The following OSBP2 variants were observed in gnomAD, a reference collection of about 807,000 sequenced individuals.
The protein encoded by OSBP2 is oxysterol-binding protein 2.
In OSBP2, 66 loss-of-function variants were observed where a neutral mutation model predicts 96.0. That is an observed-to-expected ratio of 0.69 (90% CI 0.56 to 0.84). OSBP2 has a LOEUF of 0.84. Among genes scored for constraint, OSBP2 ranks in the 40% least tolerant of loss-of-function variants. The pLI, the probability that OSBP2 is intolerant of heterozygous loss-of-function variation, is 0.00. For synonymous variants in OSBP2, 525 were observed against 520.9 expected, an observed-to-expected ratio of 1.01 and a Z score of -0.11; for missense variants, 1,038 against 1,222.7, an observed-to-expected ratio of 0.85 and a Z score of 2.25.
At chr22:30,751,250 T>G (rs2090069898) in intron 2 of OSBP2, among the ~76,000 whole-genome samples, 1 of 152,162 alleles carries the variant, frequency 6.6e-6, no homozygotes, top group Non-Finnish European at 1.5e-5. Flanking sequence ...CAGGATCTCC[T>G]GAGGGCTGTG....
intron 1 of OSBP2, among the ~76,000 whole-genome samples, chr22:30,706,860 T>G (rs953792263): frequency 6.6e-6 from 1 of 152,184 alleles, no homozygotes; most frequent in Non-Finnish European, 1.5e-5. Flanking sequence ...CCCAGGGTCA[T>G]CTCAGCATGG....
At chr22:30,777,074 G>T (rs1279831998) in intron 2 of OSBP2, among the ~76,000 whole-genome samples, 1 of 152,180 alleles carries the variant, frequency 6.6e-6, no homozygotes, top group Non-Finnish European at 1.5e-5. Flanking sequence ...GATTTTACAG[G>T]CTTATAAGCA....
At position 30,890,787 on chromosome 22, in the gene OSBP2, C is replaced by A. The variant is rs1164480950; in HGVS notation, c.1683C>A (p.His561Gln). The change falls in exon 8 of 14, where the codon CAC (histidine) becomes CAA (glutamine). Residue 561 changes from histidine (H) to glutamine (Q), a missense_variant. By Grantham distance (24) the His-to-Gln change is conservative. This residue lies in a region of OSBP2 where 737 missense variants were observed against 913.3 expected (regional missense o/e 0.81). Coordinates refer to ENST00000332585, the MANE Select transcript of OSBP2 (RefSeq NM_030758.4). This position sits in a 1 kb window ranked among gnomAD's most constrained non-coding sequence, Gnocchi z 4.4. The part of the protein sequence containing the change: ...LQRLTEDLEY[H>Q]HLLDKAVHCT... ...GGCTGACAGAGGACCTGGAGTACCA[C>A]CACCTGCTGGACAAGGCAGTGCACT... 1 of 1,613,552 alleles carries A rather than the reference C, an allele frequency of 6.2e-7. No individual in the cohort carries two copies. Among genetic ancestry groups the A allele is most frequent in the Admixed American group, 1.7e-5 (1 of 60,028 alleles).
chr22:30,796,541 T>C (rs1247298075), intron 2 of OSBP2, among the ~76,000 whole-genome samples: 2 of 152,212 alleles, frequency 1.3e-5, no homozygotes, highest in African/African-American at 4.8e-5. Flanking sequence ...GTTCTTACTC[T>C]GTCGCCCAGG....
chr22:30,888,336 G>A lies in OSBP2; in HGVS notation c.1414G>A (p.Asp472Asn), dbSNP rs2039862919. ...CACCGTGATCACCGAGGCCAAGGAA[G>A]ACAGGTAAGGTGGCTGCAGCTGGGC... ...FITVITEAKE[D>N]SRKAEGSTGT... Residue 472 changes from aspartate (D) to asparagine (N), a missense_variant, in exon 5 of 14, where the codon GAC (aspartate) becomes AAC (asparagine). This residue lies in a region of OSBP2 where 737 missense variants were observed against 913.3 expected (regional missense o/e 0.81). Transcript: ENST00000332585. The A allele has an allele frequency of 6.2e-7, 1 of 1,603,850 alleles. No homozygotes were observed. The highest frequency in any genetic ancestry group is 1.1e-5 in the South Asian group (1 of 90,884).
chr22:30,850,520 G>T (rs1027530113), intron 2 of OSBP2, among the ~76,000 whole-genome samples: 1 of 151,904 alleles, frequency 6.6e-6, no homozygotes. Context: ...TGATTTTTGA[G>T]ACAGCATCTC....
chr22:30,873,315 A>G (rs1050661129), intron 3 of OSBP2, among the ~76,000 whole-genome samples: 1 of 152,136 alleles, frequency 6.6e-6, no homozygotes. Flanking sequence ...CTACACACCA[A>G]GGCCAGGATG....
chr22:30,859,470 T>C (rs1182656203), intron 2 of OSBP2, among the ~76,000 whole-genome samples: 1 of 152,222 alleles, frequency 6.6e-6, no homozygotes, highest in East Asian at 1.9e-4. Context: ...TGACCAGGTC[T>C]GCTGGTGCCT....
At chr22:30,880,960 T>C (rs1464511367) in intron 3 of OSBP2, among the ~76,000 whole-genome samples, 1 of 152,142 alleles carries the variant, frequency 6.6e-6, no homozygotes, top group Non-Finnish European at 1.5e-5. Context: ...GACTTCTCAG[T>C]AGGGAGAGTC....
At chr22:30,716,214 G>A (rs1292693528) in intron 1 of OSBP2, among the ~76,000 whole-genome samples, 2 of 150,306 alleles carry the variant, frequency 1.3e-5, no homozygotes, top group Admixed American at 6.7e-5. Context: ...GCTAATTTTT[G>A]TACTTTTAGT....
chr22:30,795,354 C>A (rs1326362214), intron 2 of OSBP2, among the ~76,000 whole-genome samples: 3 of 152,106 alleles, frequency 2.0e-5, no homozygotes, highest in Non-Finnish European at 2.9e-5. Context: ...AAATTCATCA[C>A]CTTTATTTCG....
At chr22:30,894,487 G>C (rs529603087) in intron 12 of OSBP2, 1 of 156,298 alleles carries the variant, frequency 6.4e-6, no homozygotes, top group Non-Finnish European at 1.4e-5. Flanking sequence ...GCTACAGGGA[G>C]AAGACAGAGT....
chr22:30,858,879 C>T (rs368958584), intron 2 of OSBP2, among the ~76,000 whole-genome samples: 2 of 141,402 alleles, frequency 1.4e-5, no homozygotes, highest in African/African-American at 5.4e-5. Flanking sequence ...GACTCTGTCT[C>T]AATAATAATA....
chr22:30,897,633 A>G (rs1004327188), intron 12 of OSBP2, among the ~76,000 whole-genome samples: 1 of 152,184 alleles, frequency 6.6e-6, no homozygotes, highest in Non-Finnish European at 1.5e-5. Flanking sequence ...AATATGTAGA[A>G]CTGAATGATA....
At chr22:30,834,367 G>A (rs190039159) in intron 2 of OSBP2, among the ~76,000 whole-genome samples, 237 of 152,316 alleles carry the variant, frequency 1.6e-3, no homozygotes, top group African/African-American at 5.3e-3. Flanking sequence ...TATATACCAA[G>A]GAGTGGGATT....
chr22:30,694,373 C>A, upstream of OSBP2: 1 of 1,512,788 alleles, frequency 6.6e-7, no homozygotes, highest in Non-Finnish European at 8.8e-7. Flanking sequence ...GGCGGGGCGT[C>A]GTCTTTAGCC....
At chr22:30,887,394 A>C in intron 3 of OSBP2, 32 bp from the exon 4 acceptor site, 1 of 1,588,528 alleles carries the variant, frequency 6.3e-7, no homozygotes, top group Non-Finnish European at 8.6e-7. Flanking sequence ...GCCAGAGGCC[A>C]GGGTCTCATA....
At chr22:30,714,706 T>C (rs1238294142) in intron 1 of OSBP2, among the ~76,000 whole-genome samples, 1 of 152,154 alleles carries the variant, frequency 6.6e-6, no homozygotes, top group Non-Finnish European at 1.5e-5. Context: ...AACCTCTGCC[T>C]CCCGGGTTCA....
intron 2 of OSBP2, among the ~76,000 whole-genome samples, chr22:30,842,383 T>C (rs1372505237): frequency 1.3e-5 from 2 of 152,142 alleles, no homozygotes; most frequent in Admixed American, 1.3e-4. Flanking sequence ...GTGGAGGGCC[T>C]TGCCTTGATG....
Sources: allele counts gnomAD v4.1 joint callset (sites outside exome capture counted in the v4.1 genomes callset), GRCh38; gene constraint gnomAD v4.1.1; regional missense constraint gnomAD v4.1.1; non-coding constraint Gnocchi (gnomAD v3.1); transcripts MANE v1.5; gene names NCBI Gene and HGNC (gene_info 2026-07-23, HGNC 2026-07-21).